Variants in INVS observed in about 807,000 individuals in gnomAD.
INVS encodes the protein inversion of embryo turning homolog.
In INVS, 86 loss-of-function variants were observed where a neutral mutation model predicts 108.8. That is an observed-to-expected ratio of 0.79 (90% CI 0.66 to 0.95). The LOEUF is 0.95. Among genes scored for constraint, INVS ranks in the 40% least tolerant of loss-of-function variants. INVS has a pLI of 0.00. For missense variants in INVS, 1,169 were observed against 1,297.4 expected (o/e 0.90, Z 1.52); for synonymous variants, 455 against 473.5 (o/e 0.96, Z 0.51).
At chr9:100,243,478 T>C (rs1316320660) in intron 7 of INVS, among the ~76,000 whole-genome samples, 1 of 152,184 alleles carries the variant, frequency 6.6e-6, no homozygotes, top group African/African-American at 2.4e-5. Context: ...CGTCTGAGAA[T>C]GCAAAAACGA....
At chr9:100,273,362 T>C (rs1253025531) in intron 12 of INVS, among the ~76,000 whole-genome samples, 1 of 152,010 alleles carries the variant, frequency 6.6e-6, no homozygotes, top group African/African-American at 2.4e-5. Flanking sequence ...GAGTTGGGGA[T>C]GGGATTGCTT....
At chr9:100,295,169 T>G (rs546437833) in intron 14 of INVS, among the ~76,000 whole-genome samples, 1 of 152,276 alleles carries the variant, frequency 6.6e-6, no homozygotes, top group South Asian at 2.1e-4. Context: ...GCTCCCTACC[T>G]GAAATGTCTC....
At chr9:100,193,224 C>G (rs1389477527) in intron 3 of INVS, among the ~76,000 whole-genome samples, 1 of 152,072 alleles carries the variant, frequency 6.6e-6, no homozygotes, top group African/African-American at 2.4e-5. Context: ...GAACAATTCT[C>G]CCACCTTGGC....
At chr9:100,291,014 A>G (rs2118754601) in intron 13 of INVS, among the ~76,000 whole-genome samples, 1 of 152,088 alleles carries the variant, frequency 6.6e-6, no homozygotes, top group East Asian at 1.9e-4. Flanking sequence ...CAGTTATTTT[A>G]AAGTCTGTTT....
chr9:100,202,456 A>G (rs966354758), intron 3 of INVS, among the ~76,000 whole-genome samples: 2 of 152,200 alleles, frequency 1.3e-5, no homozygotes, highest in African/African-American at 4.8e-5. Flanking sequence ...TTTTAGAAAC[A>G]TTGAGGAAAC....
chr9:100,212,197 A>G (rs953999645), intron 3 of INVS, among the ~76,000 whole-genome samples: 10 of 152,226 alleles, frequency 6.6e-5, no homozygotes, highest in African/African-American at 2.4e-4. Context: ...TTATCTAAGC[A>G]TACAAGAAGG....
At chr9:100,145,005 C>T (rs1261091002) in intron 3 of INVS, among the ~76,000 whole-genome samples, 1 of 152,042 alleles carries the variant, frequency 6.6e-6, no homozygotes, top group Non-Finnish European at 1.5e-5. Flanking sequence ...ATGGAAAAAT[C>T]GAAAGTGCCG....
At position 100,292,404 on chromosome 9, in the gene INVS, AT is replaced by A; in HGVS notation, c.2148del (p.Pro717GlnfsTer26). The A allele has an allele frequency of 6.2e-7, 1 of 1,614,212 alleles. No individual in the cohort carries two copies. The highest frequency in any genetic ancestry group is 8.5e-7 in the Non-Finnish European group (1 of 1,180,034). On this transcript the variant is annotated frameshift_variant, in exon 14 of 17. Coordinates refer to ENST00000262457, the MANE Select transcript of INVS (RefSeq NM_014425.5). LOFTEE classifies it high-confidence loss of function. Reference sequence around the variant, plus strand: ...AATGAAGGCAGTGATGGAAGCAGGCATCCAGGAGTTCCCTCTGTTGAGAAGT... The same window carrying A: ...AATGAAGGCAGTGATGGAAGCAGGCACCAGGAGTTCCCTCTGTTGAGAAGT... The part of the protein sequence containing the change: ...RPNEGSDGSR[H>X]PGVPSVEKSR...
intron 2 of INVS, among the ~76,000 whole-genome samples, chr9:100,115,855 C>G (rs1334133467): frequency 6.6e-6 from 1 of 152,080 alleles, no homozygotes; most frequent in Non-Finnish European, 1.5e-5. Context: ...GTTCTAGATC[C>G]CTCAGGAATC....
rs535763670 is a variant in INVS, at chr9:100,171,077, A to G, written c.273+44528A>G. 2.0e-5 allele frequency among the ~76,000 whole-genome samples: 3 copies of G among 152,272 alleles called. No homozygotes were observed. The East Asian group carries it at 5.8e-4, about 29-fold the overall frequency. ...AGAGAGAGGAAGCCCATTCCCAAGG[A>G]GTATTCCCTCCATTCCCTTGGAGTA... On this transcript the variant is annotated intron_variant, in intron 3 of 16. Transcript: ENST00000262457.
intron 3 of INVS, among the ~76,000 whole-genome samples, chr9:100,220,770 G>A (rs1217274390): frequency 6.6e-6 from 1 of 152,152 alleles, no homozygotes; most frequent in Admixed American, 6.5e-5. Context: ...GCTGAGGCAG[G>A]CGGATCACCT....
At chr9:100,222,682 A>G (rs986472118) in intron 3 of INVS, among the ~76,000 whole-genome samples, 3 of 152,164 alleles carry the variant, frequency 2.0e-5, no homozygotes, top group Admixed American at 6.5e-5. Context: ...CTAATTTCCA[A>G]TCGAAATGAC....
chr9:100,284,519 C>G lies in INVS; in HGVS notation c.1984C>G (p.Pro662Ala). ...TGAGCCAAGAGACAGCAGAGGATCT[C>G]CAGGAGGGTCTCTAGGCGGAGCCCT... ...GPEPRDSRGS[P>A]GGSLGGALQK... Residue 662 changes from proline (P) to alanine (A), a missense_variant, in exon 13 of 17, where the codon CCA becomes GCA. Pro to Ala is a conservative substitution (Grantham distance 27). Around this residue, in one of 3 missense-constraint regions of INVS, gnomAD observed 533 missense variants for 536.0 expected, o/e 0.99. Coordinates refer to ENST00000262457, the MANE Select transcript of INVS (RefSeq NM_014425.5). 2 of 1,614,062 alleles carry G rather than the reference C, an allele frequency of 1.2e-6. No individual in the cohort carries two copies. The highest frequency in any genetic ancestry group is 1.1e-5 in the South Asian group (1 of 91,074).
chr9:100,130,678 C>T (rs1439882345), intron 3 of INVS: 1 of 152,130 alleles, frequency 6.6e-6, no homozygotes, highest in Non-Finnish European at 1.5e-5. Context: ...CCACTTAATT[C>T]TGGTATCCAT....
chr9:100,245,920 T>C (rs538925616), intron 7 of INVS, among the ~76,000 whole-genome samples: 1 of 152,110 alleles, frequency 6.6e-6, no homozygotes, highest in African/African-American at 2.4e-5. Flanking sequence ...ATTCCAGCAC[T>C]TTGGGAGGCC....
At chr9:100,247,539 A>G (rs1009550340) in intron 8 of INVS, among the ~76,000 whole-genome samples, 1 of 152,276 alleles carries the variant, frequency 6.6e-6, no homozygotes, top group East Asian at 1.9e-4. Flanking sequence ...GGGCTTCTCC[A>G]TGTTATTTTT....
chr9:100,227,994 T>TC (rs577345864), intron 4 of INVS, among the ~76,000 whole-genome samples: 131 of 147,878 alleles, frequency 8.9e-4, no homozygotes, highest in South Asian at 5.1e-3. Flanking sequence ...TTTCTTTCTT[T>TC]TTTTTTTTTT....
chr9:100,201,299 T>C (rs1830523701), intron 3 of INVS, among the ~76,000 whole-genome samples: 1 of 152,228 alleles, frequency 6.6e-6, no homozygotes, highest in African/African-American at 2.4e-5. Context: ...TGCCTATCCT[T>C]TGCCACCAAA....
intron 13 of INVS, among the ~76,000 whole-genome samples, chr9:100,287,421 T>G (rs1052400598): frequency 1.1e-4 from 16 of 152,110 alleles, no homozygotes; most frequent in Admixed American, 2.0e-4. Context: ...TGGGAGGAAT[T>G]TTTGGCTATT....
Sources: allele counts gnomAD v4.1 joint callset (sites outside exome capture counted in the v4.1 genomes callset), GRCh38; gene constraint gnomAD v4.1.1; regional missense constraint gnomAD v4.1.1; transcripts MANE v1.5; gene names NCBI Gene and HGNC (gene_info 2026-07-23, HGNC 2026-07-21).